The following NEGR1 variants were observed in gnomAD, a reference collection of about 807,000 sequenced individuals.
NEGR1 encodes IgLON family member 4.
Under a neutral mutation model 40.9 loss-of-function variants are expected in NEGR1, and 10 were observed. That is an observed-to-expected ratio of 0.24 (90% CI 0.15 to 0.42). The LOEUF (loss-of-function observed/expected upper bound fraction) is 0.42. Ranked by LOEUF, NEGR1 falls within the 10% of genes least tolerant of loss-of-function variation. The pLI, the probability that NEGR1 is intolerant of heterozygous loss-of-function variation, is 1.00. For missense variants in NEGR1, 352 were observed against 438.9 expected (o/e 0.80, Z 1.77); for synonymous variants, 185 against 166.8 (o/e 1.11, Z -0.84).
At chr1:72,266,761 A>ACACC (rs1655658110) in intron 1 of NEGR1, among the ~76,000 whole-genome samples, 1 of 149,154 alleles carries the variant, frequency 6.7e-6, no homozygotes, top group South Asian at 2.1e-4. Flanking sequence ...ACACACACAC[A>ACACC]CACCAATTTG....
At chr1:71,841,872 C>T (rs1050236645) in intron 2 of NEGR1, among the ~76,000 whole-genome samples, 2 of 152,058 alleles carry the variant, frequency 1.3e-5, no homozygotes, top group Non-Finnish European at 2.9e-5. Flanking sequence ...TAACTATTGA[C>T]AGTAGTTCCC....
chr1:72,014,458 T>G (rs1646690532), intron 1 of NEGR1, among the ~76,000 whole-genome samples: 1 of 152,058 alleles, frequency 6.6e-6, no homozygotes, highest in African/African-American at 2.4e-5. Context: ...TCTTAGATAC[T>G]TAATGTAAAA....
At chr1:71,493,597 A>T (rs570965206) in intron 6 of NEGR1, among the ~76,000 whole-genome samples, 2 of 152,186 alleles carry the variant, frequency 1.3e-5, no homozygotes, top group African/African-American at 4.8e-5. Context: ...TGAATCTGAT[A>T]TAAATTTTAG....
At chr1:72,110,230 A>AT (rs1649306301) in intron 1 of NEGR1, among the ~76,000 whole-genome samples, 1 of 150,424 alleles carries the variant, frequency 6.6e-6, no homozygotes, top group African/African-American at 2.4e-5. Context: ...ATAAAAAAAA[A>AT]AAAAAAAAAA....
intron 1 of NEGR1, among the ~76,000 whole-genome samples, chr1:72,038,013 T>G (rs1376348465): frequency 6.6e-6 from 1 of 152,120 alleles, no homozygotes; most frequent in Non-Finnish European, 1.5e-5. Flanking sequence ...CATTAATGAT[T>G]CTTAACCATT....
At chr1:71,795,358 T>C (rs746625639) in intron 2 of NEGR1, among the ~76,000 whole-genome samples, 1 of 152,062 alleles carries the variant, frequency 6.6e-6, no homozygotes, top group Non-Finnish European at 1.5e-5. Flanking sequence ...AATTTATATC[T>C]ACATTAAAGT....
At chr1:71,464,179 T>C (rs966444249) in intron 6 of NEGR1, among the ~76,000 whole-genome samples, 3 of 152,110 alleles carry the variant, frequency 2.0e-5, no homozygotes, top group Admixed American at 2.0e-4. Context: ...AAAAAGTATC[T>C]GAAGTCAAAG....
intron 6 of NEGR1, among the ~76,000 whole-genome samples, chr1:71,433,116 C>T (rs754508364): frequency 6.6e-6 from 1 of 152,158 alleles, no homozygotes; most frequent in Non-Finnish European, 1.5e-5. Flanking sequence ...CCCTTTTGCC[C>T]TTCTGCCTTC....
chr1:71,549,148 A>T (rs1647994754), intron 6 of NEGR1, among the ~76,000 whole-genome samples: 1 of 151,708 alleles, frequency 6.6e-6, no homozygotes, highest in Non-Finnish European at 1.5e-5. Context: ...ACATTATGCT[A>T]AGCAATTCAA....
chr1:71,937,110 G>T (rs1352226013), intron 1 of NEGR1, among the ~76,000 whole-genome samples: 3 of 152,130 alleles, frequency 2.0e-5, no homozygotes, highest in African/African-American at 7.2e-5. Context: ...TAATCAGTGG[G>T]TGAAAAAGTA....
At chr1:71,917,705 G>A (rs1008476419) in intron 2 of NEGR1, among the ~76,000 whole-genome samples, 4 of 150,962 alleles carry the variant, frequency 2.6e-5, no homozygotes, top group Admixed American at 6.6e-5. Flanking sequence ...GCGTGAACCC[G>A]GGAGGCGGAG....
At chr1:71,812,654 T>C (rs1658043733) in intron 2 of NEGR1, among the ~76,000 whole-genome samples, 1 of 152,176 alleles carries the variant, frequency 6.6e-6, no homozygotes, top group Non-Finnish European at 1.5e-5. Context: ...ATCTGTGATG[T>C]TGCACTTCTT....
In NEGR1 at chr1:71,536,132, G is replaced by A. The variant is rs1020273835; in HGVS notation, c.940+56685C>T. On this transcript the variant is annotated intron_variant, in intron 6 of 6. Coordinates refer to ENST00000357731, the MANE Select transcript of NEGR1 (RefSeq NM_173808.3). Reference sequence around the variant, plus strand: ...AAGCAAAGAAGAATGGCATGAGTAAGGAAACTATATAATTAACAAAATTCT... The same window carrying A: ...AAGCAAAGAAGAATGGCATGAGTAAAGAAACTATATAATTAACAAAATTCT... Among the ~76,000 whole-genome samples, 4 of 151,682 alleles carry A rather than the reference G, an allele frequency of 2.6e-5. No individual in the cohort carries two copies. In the East Asian group the frequency reaches 7.8e-4, roughly 30 times the overall value.
intron 1 of NEGR1, among the ~76,000 whole-genome samples, chr1:72,039,990 C>A (rs1251089029): frequency 6.6e-6 from 1 of 151,894 alleles, no homozygotes; most frequent in Non-Finnish European, 1.5e-5. Flanking sequence ...ATAAAATGTA[C>A]ACAGCTGTGA....
chr1:72,061,959 T>G (rs756616619), intron 1 of NEGR1, among the ~76,000 whole-genome samples: 1 of 151,784 alleles, frequency 6.6e-6, no homozygotes, highest in Non-Finnish European at 1.5e-5. Context: ...CCAGACTTCT[T>G]CCCACATTGC....
chr1:71,644,682 A>G (rs1651473813), intron 4 of NEGR1, among the ~76,000 whole-genome samples: 1 of 152,006 alleles, frequency 6.6e-6, no homozygotes, highest in Non-Finnish European at 1.5e-5. Flanking sequence ...TCAAATGAAA[A>G]TGATGTCAAC....
chr1:71,873,118 C>CAAGAAAAAA (rs1660326266), intron 2 of NEGR1, among the ~76,000 whole-genome samples: 1 of 81,846 alleles, frequency 1.2e-5, no homozygotes, highest in Non-Finnish European at 2.4e-5. Flanking sequence ...AAAGATGTAG[C>CAAGAAAAAA]AAAAAAAAAA....
chr1:72,173,339 T>TTTTTTTTTTTTTTTTTTTTTTGAGA (rs1175444794), intron 1 of NEGR1, among the ~76,000 whole-genome samples: 2 of 146,964 alleles, frequency 1.4e-5, no homozygotes, highest in Non-Finnish European at 3.0e-5. Context: ...CTTATTTTCA[T>TTTTTTTTTTTTTTTTTTTTTTGAGA]CTGCTGCTTT....
chr1:71,663,083 A>T (rs1368802832), intron 4 of NEGR1, among the ~76,000 whole-genome samples: 1 of 151,862 alleles, frequency 6.6e-6, no homozygotes, highest in African/African-American at 2.4e-5. Context: ...CAGCCTCCCG[A>T]GTAGCTGGGA....
Sources: allele counts gnomAD v4.1 joint callset (sites outside exome capture counted in the v4.1 genomes callset), GRCh38; gene constraint gnomAD v4.1.1; transcripts MANE v1.5; gene names NCBI Gene and HGNC (gene_info 2026-07-23, HGNC 2026-07-21).